The following TAFA2 variants were observed in gnomAD, a reference collection of about 807,000 sequenced individuals.
The protein encoded by TAFA2 is TAFA chemokine like family member 2.
TAFA2 carries 7 observed loss-of-function variants against 18.8 expected under a neutral mutation model. That is an observed-to-expected ratio of 0.37 (90% confidence interval 0.21 to 0.70). The LOEUF (loss-of-function observed/expected upper bound fraction) is 0.70. TAFA2 is among the 30% of genes least tolerant of loss of function. The probability of loss-of-function intolerance (pLI) is 0.53; values close to 1 mark genes in which losing one functional copy is unlikely to be tolerated. For synonymous variants in TAFA2, 60 were observed against 54.2 expected (o/e 1.11, Z -0.47); for missense variants, 122 against 158.1 (o/e 0.77, Z 1.23).
chr12:62,130,446 T>C (rs941394577), intron 1 of TAFA2, among the ~76,000 whole-genome samples: 5 of 152,106 alleles, frequency 3.3e-5, no homozygotes, highest in African/African-American at 1.2e-4. Flanking sequence ...TATATTAATA[T>C]AAATTAATAT....
chr12:61,896,175 T>A (rs1034465292), intron 1 of TAFA2, among the ~76,000 whole-genome samples: 2 of 152,220 alleles, frequency 1.3e-5, no homozygotes, highest in Non-Finnish European at 2.9e-5. Flanking sequence ...GCCAGTTCTT[T>A]ATTTTTGTTT....
intron 1 of TAFA2, among the ~76,000 whole-genome samples, chr12:62,214,752 G>C (rs1220674391): frequency 6.6e-6 from 1 of 152,104 alleles, no homozygotes; most frequent in Non-Finnish European, 1.5e-5. Context: ...AAATGAACCT[G>C]CTGACCCCTT....
At chr12:61,955,123 T>C (rs1039631661) in intron 1 of TAFA2, among the ~76,000 whole-genome samples, 38 of 152,104 alleles carry the variant, frequency 2.5e-4, no homozygotes, top group African/African-American at 9.2e-4. Context: ...ATTTCACATA[T>C]TGTTAGAGTA....
At chr12:61,800,706 A>G (rs1030596546) in intron 2 of TAFA2, among the ~76,000 whole-genome samples, 5 of 152,176 alleles carry the variant, frequency 3.3e-5, no homozygotes, top group Non-Finnish European at 5.9e-5. Context: ...AGGTACAGAA[A>G]TAAATGGGAG....
intron 2 of TAFA2, among the ~76,000 whole-genome samples, chr12:61,807,230 T>C (rs553481596): frequency 6.6e-6 from 1 of 151,540 alleles, no homozygotes; most frequent in Non-Finnish European, 1.5e-5. Flanking sequence ...GTGTCCCAGC[T>C]GCTCCAGCCG....
chr12:61,801,993 C>CA (rs1871415811), intron 2 of TAFA2, among the ~76,000 whole-genome samples: 1 of 152,040 alleles, frequency 6.6e-6, no homozygotes, highest in South Asian at 2.1e-4. Context: ...TACAAATAGC[C>CA]AACAAGTATA....
At position 62,125,184 on chromosome 12, in the gene TAFA2, T is replaced by A. The variant is rs113588983; in HGVS notation, c.-2+66075A>T. 3.6e-3 allele frequency among the ~76,000 whole-genome samples: 555 copies of A among 152,246 alleles called. 3 individuals carry two copies. The highest frequency in any genetic ancestry group is 0.011 in the African/African-American group (466 of 41,562). ...CAGAATTGTATACCTTTTATTTTTT[T>A]AAAAAATTAATAATTACAGGAATAT... On this transcript the variant is annotated intron_variant, in intron 1 of 4. Coordinates refer to ENST00000416284, the MANE Select transcript of TAFA2 (RefSeq NM_178539.5).
At chr12:62,234,337 C>T in intron 1 of TAFA2, 1 of 537,042 alleles carries the variant, frequency 1.9e-6, no homozygotes, top group East Asian at 4.7e-5. Context: ...CTCCTCTGAG[C>T]AGTTGCCAGG....
At chr12:61,799,906 G>C (rs1319244385) in intron 2 of TAFA2, among the ~76,000 whole-genome samples, 1 of 152,130 alleles carries the variant, frequency 6.6e-6, no homozygotes, top group Non-Finnish European at 1.5e-5. Flanking sequence ...GTGGAATTTG[G>C]GCAAACACAG....
At chr12:61,884,967 G>T (rs778206696) in intron 1 of TAFA2, among the ~76,000 whole-genome samples, 3 of 152,082 alleles carry the variant, frequency 2.0e-5, no homozygotes, top group South Asian at 2.1e-4. Flanking sequence ...CTTAACTGAA[G>T]TAAGACAATA....
intron 1 of TAFA2, among the ~76,000 whole-genome samples, chr12:62,245,923 A>G (rs2062883477): frequency 6.7e-6 from 1 of 149,912 alleles, no homozygotes; most frequent in Non-Finnish European, 1.5e-5. Context: ...CTTTTCTTAT[A>G]TATATATAAG....
intron 1 of TAFA2, among the ~76,000 whole-genome samples, chr12:62,120,185 CA>C (rs1456238129): frequency 4.6e-5 from 7 of 151,938 alleles, no homozygotes; most frequent in African/African-American, 1.2e-4. Flanking sequence ...AAATTTGCTC[CA>C]CAATATAATC....
intron 2 of TAFA2, among the ~76,000 whole-genome samples, chr12:61,763,482 C>T (rs946460546): frequency 1.3e-5 from 2 of 151,856 alleles, no homozygotes; most frequent in African/African-American, 4.8e-5. Flanking sequence ...ATCTTCCCAC[C>T]CACATTTTAA....
chr12:62,169,850 C>CAAAA (rs11373929), intron 1 of TAFA2, among the ~76,000 whole-genome samples: 5 of 90,068 alleles, frequency 5.6e-5, no homozygotes, highest in Non-Finnish European at 8.8e-5. Context: ...GACTCCGTCT[C>CAAAA]AAAAAAAAAA....
At chr12:61,944,257 G>A (rs1183520124) in intron 1 of TAFA2, among the ~76,000 whole-genome samples, 4 of 150,840 alleles carry the variant, frequency 2.7e-5, no homozygotes, top group South Asian at 2.1e-4. Context: ...TGAAACCAAC[G>A]AGAACAAAGA....
At chr12:62,146,822 A>T (rs1434148237) in intron 1 of TAFA2, among the ~76,000 whole-genome samples, 1 of 152,192 alleles carries the variant, frequency 6.6e-6, no homozygotes, top group African/African-American at 2.4e-5. Context: ...GATATGTAAG[A>T]TATAGCCTCT....
At chr12:61,885,369 G>T (rs1875331041) in intron 1 of TAFA2, among the ~76,000 whole-genome samples, 1 of 152,190 alleles carries the variant, frequency 6.6e-6, no homozygotes, top group South Asian at 2.1e-4. Flanking sequence ...GTGCCAGGGT[G>T]CAGGGCAGCT....
At chr12:62,193,473 A>G (rs556601683), upstream of TAFA2, among the ~76,000 whole-genome samples, 1 of 152,312 alleles carries the variant, frequency 6.6e-6, no homozygotes, top group South Asian at 2.1e-4. Context: ...AGCTCTCTTC[A>G]CCAGCTATAA....
intron 2 of TAFA2, among the ~76,000 whole-genome samples, chr12:61,852,276 A>C (rs747292672): frequency 5.3e-5 from 8 of 152,140 alleles, no homozygotes; most frequent in Non-Finnish European, 8.8e-5. Flanking sequence ...GATGATGGTC[A>C]AATGTGAGAG....
Sources: gnomAD v4.1 joint callset for allele counts (sites outside exome capture counted in the v4.1 genomes callset) on GRCh38, gnomAD v4.1.1 for gene constraint, MANE v1.5 for transcripts, NCBI Gene and HGNC (gene_info 2026-07-23, HGNC 2026-07-21) for gene names.